NAV3: variants seen among roughly 807,000 people sequenced by gnomAD.
NAV3 encodes the protein neuron navigator 3.
In NAV3, 87 loss-of-function variants were observed where a neutral mutation model predicts 244.7. That is an observed-to-expected ratio of 0.36 (90% confidence interval 0.30 to 0.42). The LOEUF (loss-of-function observed/expected upper bound fraction) is 0.42. Among genes scored for constraint, NAV3 ranks in the 20% least tolerant of loss-of-function variants. The pLI is 1.00. For missense variants in NAV3, 2,663 were observed against 2,893.3 expected (o/e 0.92, Z 1.83); for synonymous variants, 1,126 against 1,042.2 (o/e 1.08, Z -1.55).
intron 2 of NAV3, among the ~76,000 whole-genome samples, chr12:77,741,148 C>CAAAAAAAAAAAA: frequency 1.8e-3 from 122 of 68,602 alleles, no homozygotes; most frequent in Non-Finnish European, 2.0e-3. Context: ...AAAAAAAAGA[C>CAAAAAAAAAAAA]AAAAAAAAAA....
chr12:77,631,578 A>T (rs1347855118), intron 2 of NAV3, among the ~76,000 whole-genome samples: 1 of 152,072 alleles, frequency 6.6e-6, no homozygotes. Context: ...TCCAAGTTCA[A>T]ATCAAAGCCA....
intron 23 of NAV3, among the ~76,000 whole-genome samples, chr12:78,163,618 G>C (rs1957658694): frequency 6.6e-6 from 1 of 152,058 alleles, no homozygotes; most frequent in African/African-American, 2.4e-5. Flanking sequence ...GATCAATCTG[G>C]CAGCATTTTC....
chr12:77,719,402 G>A (rs1468267443), intron 2 of NAV3, among the ~76,000 whole-genome samples: 1 of 142,850 alleles, frequency 7.0e-6, no homozygotes, highest in African/African-American at 2.5e-5. Flanking sequence ...ATCTTTCAGA[G>A]TTTTTTTTTT....
chr12:77,961,067 G>T (rs536266337), intron 3 of NAV3, among the ~76,000 whole-genome samples: 2 of 144,668 alleles, frequency 1.4e-5, no homozygotes, highest in Non-Finnish European at 3.0e-5. Flanking sequence ...GCATGTATAC[G>T]CATATATGTA....
intron 2 of NAV3, among the ~76,000 whole-genome samples, chr12:77,684,948 T>C (rs1034419817): frequency 2.0e-5 from 3 of 152,174 alleles, no homozygotes; most frequent in Admixed American, 1.3e-4. Context: ...TGCTGACACC[T>C]TCGTCAGAAT....
chr12:77,862,866 A>G (rs1372216095), intron 1 of NAV3, among the ~76,000 whole-genome samples: 1 of 151,734 alleles, frequency 6.6e-6, no homozygotes, highest in Non-Finnish European at 1.5e-5. Context: ...GGAAAGGATG[A>G]AGGAGGATAC....
rs911008517 is a variant in NAV3, at chr12:78,005,115, C to A, written c.881-1304C>A. On this transcript the variant is annotated intron_variant, in intron 7 of 39. Transcript: ENST00000397909. ...TTTCTACCCTCTCCGATCAACCCCA[C>A]CGAAGCTCCCAGGCACACTCTTACT... Among the ~76,000 whole-genome samples, 7 of 152,070 alleles carry A rather than the reference C, an allele frequency of 4.6e-5. No homozygotes were observed. The East Asian group carries it at 1.4e-3, about 29-fold the overall frequency.
intron 2 of NAV3, among the ~76,000 whole-genome samples, chr12:77,821,648 T>G (rs1835608502): frequency 6.6e-6 from 1 of 152,196 alleles, no homozygotes; most frequent in Non-Finnish European, 1.5e-5. Context: ...TTAGCCAATT[T>G]TATTTGTATA....
intron 5 of NAV3, among the ~76,000 whole-genome samples, chr12:77,977,361 C>T (rs1483412683): frequency 5.3e-5 from 8 of 152,078 alleles, no homozygotes; most frequent in Admixed American, 3.9e-4. Flanking sequence ...GTGTTACTAA[C>T]ATAGTTACAC....
intron 2 of NAV3, among the ~76,000 whole-genome samples, chr12:77,654,407 T>C (rs1159702459): frequency 1.4e-5 from 2 of 147,020 alleles, no homozygotes; most frequent in Admixed American, 6.8e-5. Context: ...GGGGGAGGGG[T>C]GCCCACCATT....
chr12:77,652,651 G>A (rs1872880112), intron 2 of NAV3, among the ~76,000 whole-genome samples: 1 of 152,122 alleles, frequency 6.6e-6, no homozygotes, highest in South Asian at 2.1e-4. Context: ...CTAAATACCT[G>A]AGACACAAGT....
At chr12:77,790,919 C>T (rs930907411) in intron 2 of NAV3, among the ~76,000 whole-genome samples, 1 of 152,074 alleles carries the variant, frequency 6.6e-6, no homozygotes, top group Non-Finnish European at 1.5e-5. Flanking sequence ...TAAGGGCGTC[C>T]CTCTTACTAC....
intron 22 of NAV3, among the ~76,000 whole-genome samples, chr12:78,156,481 A>G (rs1176503926): frequency 6.6e-6 from 1 of 152,126 alleles, no homozygotes; most frequent in East Asian, 1.9e-4. Context: ...TAGTTTATAC[A>G]GCATACTCTT....
chr12:78,124,617 C>G (rs901564610), intron 16 of NAV3, among the ~76,000 whole-genome samples: 4 of 151,960 alleles, frequency 2.6e-5, no homozygotes, highest in Admixed American at 6.6e-5. Flanking sequence ...CCATGCTGGG[C>G]TAATTTTTGT....
chr12:78,010,279 C>T (rs922583375), intron 8 of NAV3, among the ~76,000 whole-genome samples: 2 of 152,106 alleles, frequency 1.3e-5, no homozygotes, highest in Non-Finnish European at 2.9e-5. Flanking sequence ...TTCTGACTTT[C>T]ACTGTTCTAT....
chr12:77,919,856 T>C (rs1887534542), intron 1 of NAV3, among the ~76,000 whole-genome samples: 1 of 152,022 alleles, frequency 6.6e-6, no homozygotes, highest in Admixed American at 6.6e-5. Context: ...GAAAATTTAA[T>C]CACGCTTGGA....
intron 12 of NAV3, among the ~76,000 whole-genome samples, chr12:78,111,343 T>A (rs368700417): frequency 2.0e-4 from 30 of 152,246 alleles, no homozygotes; most frequent in African/African-American, 7.0e-4. Flanking sequence ...CCACTTCTTG[T>A]TTATGTTAAT....
chr12:77,892,041 A>G (rs1473580287), intron 1 of NAV3, among the ~76,000 whole-genome samples: 1 of 152,200 alleles, frequency 6.6e-6, no homozygotes, highest in Non-Finnish European at 1.5e-5. Flanking sequence ...AATTTTTCAA[A>G]CTTATTTGAC....
Position 78,090,303 on chromosome 12 carries a change from T to A in NAV3, c.2637-26469T>A, listed in dbSNP as rs190357763. On this transcript the variant is annotated intron_variant, in intron 12 of 39. Coordinates refer to ENST00000397909, the MANE Select transcript of NAV3 (RefSeq NM_001024383.2). Reference sequence around the variant, plus strand: ...TAAATTGAAAGTGTTCCTATACACATGTTTCTTTGATTTTAGTACTACAAA... The same window carrying A: ...TAAATTGAAAGTGTTCCTATACACAAGTTTCTTTGATTTTAGTACTACAAA... Among the ~76,000 whole-genome samples, 48 of 149,516 alleles carry A rather than the reference T, an allele frequency of 3.2e-4. No homozygotes were observed. In the East Asian group the frequency reaches 9.1e-3, roughly 28 times the overall value.
Sources: allele counts gnomAD v4.1 joint callset (sites outside exome capture counted in the v4.1 genomes callset), GRCh38; gene constraint gnomAD v4.1.1; transcripts MANE v1.5; gene names NCBI Gene and HGNC (gene_info 2026-07-23, HGNC 2026-07-21).